Variants in MYO1E observed in about 807,000 individuals in gnomAD.
The protein encoded by MYO1E is unconventional myosin-Ie.
MYO1E carries 68 observed loss-of-function variants against 151.1 expected under a neutral mutation model. The observed-to-expected ratio is 0.45, with a 90% CI of 0.37 to 0.55. The LOEUF (loss-of-function observed/expected upper bound fraction) is 0.55, where lower values mean the gene tolerates loss of function less well. MYO1E is among the 20% of genes least tolerant of loss of function. The pLI is 0.00. For synonymous variants in MYO1E, 601 were observed against 501.7 expected (o/e 1.20, Z -2.64); for missense variants, 1,363 against 1,389.3 (o/e 0.98, Z 0.30).
At chr15:59,287,758 G>A (rs977621674) in intron 1 of MYO1E, among the ~76,000 whole-genome samples, 2 of 152,176 alleles carry the variant, frequency 1.3e-5, no homozygotes, top group East Asian at 1.9e-4. Flanking sequence ...CTCAGTCTGA[G>A]TGAATGTGGG....
intron 1 of MYO1E, among the ~76,000 whole-genome samples, chr15:59,300,950 C>T (rs1015175641): frequency 6.7e-6 from 1 of 150,038 alleles, no homozygotes; most frequent in African/African-American, 2.5e-5. Flanking sequence ...TCATTGCAAC[C>T]TCTGCCTCCC....
rs142010359 is a variant in MYO1E, at chr15:59,161,145, C to A, written c.2713G>T (p.Asp905Tyr). Residue 905 changes from aspartate (D) to tyrosine (Y), a missense_variant, in exon 24 of 28, where the codon GAC becomes TAC. Physicochemically the swap from Asp to Tyr is radical, Grantham distance 160. Coordinates refer to ENST00000288235, the MANE Select transcript of MYO1E (RefSeq NM_004998.4). Reference sequence around the variant, plus strand: ...TTACTGGGCTTGAGGACAGCCAGGTCCCCAAACCCTTGGTGGAACTGCACT... The same window carrying A: ...TTACTGGGCTTGAGGACAGCCAGGTACCCAAACCCTTGGTGGAACTGCACT... ...RQVQFHQGFG[D>Y]LAVLKPSNKV... The A allele has an allele frequency of 1.2e-6, 2 of 1,614,112 alleles. No individual in the cohort carries two copies. Among genetic ancestry groups the A allele is most frequent in the South Asian group, 2.2e-5 (2 of 91,080 alleles).
intron 4 of MYO1E, among the ~76,000 whole-genome samples, chr15:59,238,816 C>T (rs1172862789): frequency 1.3e-5 from 2 of 152,100 alleles, no homozygotes; most frequent in Non-Finnish European, 2.9e-5. Context: ...GGTGATCCGC[C>T]TGCCTTGGCC....
At chr15:59,214,408 G>C (rs1303203447) in intron 11 of MYO1E, 94 bp from the exon 12 acceptor site, 1 of 1,028,430 alleles carries the variant, frequency 9.7e-7, no homozygotes, top group Non-Finnish European at 1.5e-6. Context: ...CATGTGAAAA[G>C]CTTTAATAGA....
At position 59,133,191 on chromosome 15, in the gene MYO1E, G is replaced by A. The variant is rs1394684478; in HGVS notation, c.*4189C>T. On this transcript the variant is annotated 3_prime_UTR_variant, in exon 28 of 28. Coordinates refer to ENST00000288235, the MANE Select transcript of MYO1E (RefSeq NM_004998.4). ...AGCCCAGAGCTTTGAGACCAGCTGG[G>A]CAACACAGGGAGACCCCATCTGTAC... The A allele has an allele frequency of 1.3e-5, 2 of 152,190 alleles. No individual in the cohort carries two copies. The highest frequency in any genetic ancestry group is 4.8e-5 in the African/African-American group (2 of 41,444). The allele number at this position is 152,190 out of a possible 1,614,324, so 9.4% of individuals were successfully genotyped here.
chr15:59,174,696 G>A (rs567066680), intron 19 of MYO1E, among the ~76,000 whole-genome samples: 48 of 152,262 alleles, frequency 3.2e-4, no homozygotes, highest in African/African-American at 1.2e-3. Context: ...AGCTGGGCTT[G>A]TGCTGCTGTG....
At chr15:59,160,936 G>T in intron 24 of MYO1E, 137 bp downstream of exon 24, 1 of 1,221,830 alleles carries the variant, frequency 8.2e-7, no homozygotes, top group Non-Finnish European at 1.2e-6. Flanking sequence ...GTTCCATTCT[G>T]AAGAAAGCGT....
chr15:59,242,836 C>G (rs758166275), intron 4 of MYO1E, among the ~76,000 whole-genome samples: 10 of 152,200 alleles, frequency 6.6e-5, no homozygotes, highest in Non-Finnish European at 1.5e-4. Flanking sequence ...AATGCATGAC[C>G]TGAGCCTGGT....
chr15:59,229,808 T>TGTCAAG (rs2080015421), intron 6 of MYO1E, among the ~76,000 whole-genome samples: 1 of 152,164 alleles, frequency 6.6e-6, no homozygotes. Context: ...GCTAAATAAT[T>TGTCAAG]ACTGTCATAG....
At chr15:59,160,159 G>C (rs575910239) in intron 24 of MYO1E, among the ~76,000 whole-genome samples, 2 of 152,108 alleles carry the variant, frequency 1.3e-5, no homozygotes, top group South Asian at 2.1e-4. Context: ...TTTATATAAG[G>C]CATCTTCATG....
intron 1 of MYO1E, among the ~76,000 whole-genome samples, chr15:59,365,072 T>G (rs11855765): frequency 0.16 from 23,954 of 151,336 alleles, 2,256 homozygotes; most frequent in East Asian, 0.29. Flanking sequence ...CAGGCTGTAG[T>G]GCAATGGTGT....
chr15:59,294,517 G>T (rs1169153031), intron 1 of MYO1E, among the ~76,000 whole-genome samples: 1 of 152,148 alleles, frequency 6.6e-6, no homozygotes, highest in Non-Finnish European at 1.5e-5. Flanking sequence ...GCTTGGTCAC[G>T]TCATGCCATA....
At chr15:59,343,224 G>A (rs1429163050) in intron 1 of MYO1E, among the ~76,000 whole-genome samples, 1 of 151,762 alleles carries the variant, frequency 6.6e-6, no homozygotes, top group Non-Finnish European at 1.5e-5. Flanking sequence ...GCTTTTGTTT[G>A]TCTGGGAAGG....
At chr15:59,235,446 C>G (rs1023677560) in intron 5 of MYO1E, among the ~76,000 whole-genome samples, 3 of 152,106 alleles carry the variant, frequency 2.0e-5, no homozygotes, top group South Asian at 2.1e-4. Flanking sequence ...TGTTCTGAAC[C>G]TTGTCTTTTG....
chr15:59,229,011 G>A (rs1032385694), intron 6 of MYO1E, among the ~76,000 whole-genome samples: 5 of 152,284 alleles, frequency 3.3e-5, no homozygotes, highest in South Asian at 2.1e-4. Flanking sequence ...ATCGCTCTGC[G>A]GAATGTCAGT....
chr15:59,218,294 T>C (rs1360062762), intron 9 of MYO1E: 5 of 690,672 alleles, frequency 7.2e-6, no homozygotes, highest in Admixed American at 6.1e-5. Flanking sequence ...CCAATTGTTT[T>C]ATGACATGAG....
chr15:59,310,896 C>A (rs1184774110), intron 1 of MYO1E, among the ~76,000 whole-genome samples: 3 of 152,120 alleles, frequency 2.0e-5, no homozygotes, highest in Admixed American at 6.5e-5. Context: ...TTAAAAACCT[C>A]CACTTTCTGT....
At chr15:59,304,984 G>C (rs2140406254) in intron 1 of MYO1E, among the ~76,000 whole-genome samples, 1 of 152,338 alleles carries the variant, frequency 6.6e-6, no homozygotes, top group South Asian at 2.1e-4. Context: ...TCAGTGCTCT[G>C]TGAGTCGGCT....
At chr15:59,205,608 TCAC>T (rs2079828770) in intron 14 of MYO1E, 123 bp from the exon 15 acceptor site, 4 of 840,382 alleles carry the variant, frequency 4.8e-6, no homozygotes, top group Admixed American at 3.9e-5. Flanking sequence ...ATGGCTACCC[TCAC>T]CACAACATGT....
Sources: allele counts gnomAD v4.1 joint callset (sites outside exome capture counted in the v4.1 genomes callset), GRCh38; gene constraint gnomAD v4.1.1; transcripts MANE v1.5; gene names NCBI Gene and HGNC (gene_info 2026-07-23, HGNC 2026-07-21).